The following IST1 variants were observed in gnomAD, a reference collection of about 807,000 sequenced individuals.
The protein encoded by IST1 is IST1 factor associated with ESCRT-III.
A neutral mutation model predicts 37.0 loss-of-function variants in IST1; 23 were observed. The observed-to-expected ratio is 0.62, with a 90% CI of 0.45 to 0.88. The LOEUF is 0.88. Ranked by LOEUF, IST1 falls within the 40% of genes least tolerant of loss-of-function variation. The pLI, the probability that IST1 is intolerant of heterozygous loss-of-function variation, is 0.00. For missense variants in IST1, 488 were observed against 445.4 expected, an observed-to-expected ratio of 1.10 and a Z score of -0.86; for synonymous variants, 180 against 161.7, an observed-to-expected ratio of 1.11 and a Z score of -0.86.
In IST1 at chr16:71,916,768, G is replaced by A. The variant is rs578057604; in HGVS notation, c.269+126G>A. ...ATCTGCTGCCTAACAGTTGCTGAAA[G>A]GCCTGTTAAAAAGAAAATACAGAAT... On this transcript the variant is annotated intron_variant, in intron 3 of 9. Coordinates refer to ENST00000378799, the MANE Select transcript of IST1 (RefSeq NM_001270975.2). The A allele has an allele frequency of 5.0e-6, 4 of 806,618 alleles. No individual in the cohort carries two copies. In the South Asian group the frequency reaches 8.6e-5, roughly 17 times the overall value. 50.0% of individuals were successfully genotyped at this position (806,618 alleles called of 1,614,324 possible). A position where few individuals can be genotyped will look rare whatever the true frequency, so the allele number is the denominator to read the frequency against.
intron 1 of IST1, among the ~76,000 whole-genome samples, chr16:71,914,932 G>A (rs1056885981): frequency 2.6e-5 from 4 of 152,126 alleles, no homozygotes; most frequent in African/African-American, 7.2e-5. Context: ...GGTAGAGGAC[G>A]GGTGGTTTTG....
At chr16:71,910,759 A>G (rs2037336146) in intron 1 of IST1, among the ~76,000 whole-genome samples, 1 of 152,206 alleles carries the variant, frequency 6.6e-6, no homozygotes, top group African/African-American at 2.4e-5. Context: ...ATGTATTAAT[A>G]GAAATATTCT....
At position 71,921,443 on chromosome 16, in the gene IST1, CTG is replaced by C; in HGVS notation, c.545_546del (p.Val182GlyfsTer15). ...TACAACGTACCCTATGAACCTGACT[CTG>C]TGGTCATGGTAAGTTTATCCCAGAA... On this transcript the variant is annotated frameshift_variant, in exon 6 of 10. Transcript: ENST00000378799. LOFTEE classifies it high-confidence loss of function. 2 of 1,597,382 alleles carry C rather than the reference CTG, an allele frequency of 1.3e-6. No individual in the cohort carries two copies. The highest frequency in any genetic ancestry group is 1.1e-5 in the South Asian group (1 of 90,728).
intron 4 of IST1, among the ~76,000 whole-genome samples, chr16:71,919,942 G>A (rs971345140): frequency 3.9e-5 from 6 of 152,148 alleles, no homozygotes; most frequent in Non-Finnish European, 5.9e-5. Context: ...TTTACCTTCT[G>A]CAGAAAGGGT....
At chr16:71,924,475 C>G (rs2037689028) in intron 8 of IST1, 1 of 519,018 alleles carries the variant, frequency 1.9e-6, no homozygotes, top group South Asian at 2.1e-5. Context: ...CCTGTGGTCC[C>G]AGCTATGCAG....
In IST1 at chr16:71,922,649, C is replaced by G; in HGVS notation, c.728C>G (p.Thr243Arg). The G allele has an allele frequency of 6.2e-7, 1 of 1,613,210 alleles. No individual in the cohort carries two copies. The part of the protein sequence containing the change: ...PMPMPMPSAN[T>R]PFSYPLPKGP... Reference sequence around the variant, plus strand: ...CCCATGCCTATGCCATCTGCAAATACGCCTTTCTCATATCCACTGCCAAAG... The same window carrying G: ...CCCATGCCTATGCCATCTGCAAATAGGCCTTTCTCATATCCACTGCCAAAG... The change falls in exon 7 of 10, where the codon ACG (threonine) becomes AGG (arginine). Residue 243 changes from threonine (T) to arginine (R), a missense_variant. Coordinates refer to ENST00000378799, the MANE Select transcript of IST1 (RefSeq NM_001270975.2).
At chr16:71,904,884 A>G (rs1054691020) in intron 1 of IST1, among the ~76,000 whole-genome samples, 4 of 151,962 alleles carry the variant, frequency 2.6e-5, no homozygotes, top group African/African-American at 9.7e-5. Context: ...TCATTTAATT[A>G]TGTAATTTTT....
At chr16:71,903,687 C>T (rs2037158779) in intron 1 of IST1, 1 of 152,204 alleles carries the variant, frequency 6.6e-6, no homozygotes, top group Non-Finnish European at 1.5e-5. Context: ...GTGAGAGCTA[C>T]CATGCCTGGT....
intron 1 of IST1, chr16:71,903,084 G>A (rs2037144571): frequency 6.6e-6 from 1 of 152,124 alleles, no homozygotes. Context: ...AAACTCTCGT[G>A]CTCACTGCCT....
Position 71,912,647 on chromosome 16 carries a change from G to A in IST1, c.-15-2979G>A, listed in dbSNP as rs151050889. Among the ~76,000 whole-genome samples, 61 of 152,306 alleles carry A rather than the reference G, an allele frequency of 4.0e-4. 1 individual carries two copies. The East Asian group carries it at 0.011, about 27-fold the overall frequency. On this transcript the variant is annotated intron_variant, in intron 1 of 9. Transcript: ENST00000378799. ...TGGCAACATGACAATTTACCAACTT[G>A]CCTGTTTCTAAGTGTAGAGTTCAGT...
chr16:71,927,580 G>A lies in IST1; in HGVS notation c.902-34G>A, dbSNP rs199547471. 8.9e-4 allele frequency: 1,286 copies of A among 1,443,172 alleles called. 1 individual carries two copies. Among genetic ancestry groups the A allele is most frequent in the Non-Finnish European group, 1.1e-3 (1,144 of 1,026,418 alleles). The allele number at this position is 1,443,172 out of a possible 1,614,324, so 89.4% of individuals were successfully genotyped here. A position where few individuals can be genotyped will look rare whatever the true frequency, so the allele number is the denominator to read the frequency against. The stretch of plus-strand genomic sequence containing the variant: ...AAAGGGGATCTGAGTCATTTCTCTG[G>A]TATTTGTAACGTTGTGCTCCTTGCC... On this transcript the variant is annotated intron_variant, in intron 9 of 9. Coordinates refer to ENST00000378799, the MANE Select transcript of IST1 (RefSeq NM_001270975.2).
intron 1 of IST1, among the ~76,000 whole-genome samples, chr16:71,899,506 A>G (rs1052836845): frequency 1.3e-5 from 2 of 152,216 alleles, no homozygotes; most frequent in African/African-American, 4.8e-5. Context: ...CTACTCTAAC[A>G]TCACATCTTC....
At position 71,914,736 on chromosome 16, in the gene IST1, T is replaced by G. The variant is rs559396520; in HGVS notation, c.-15-890T>G. ...TAGACAAGTACTATTCCTACTGCTC[T>G]TTCTTTCTTTGGTGCTCTTTTGATT... On this transcript the variant is annotated intron_variant, in intron 1 of 9. Coordinates refer to ENST00000378799, the MANE Select transcript of IST1 (RefSeq NM_001270975.2). 6.8e-4 allele frequency among the ~76,000 whole-genome samples: 103 copies of G among 152,348 alleles called. 1 individual carries two copies. Among genetic ancestry groups the G allele is most frequent in the Admixed American group, 2.0e-3 (31 of 15,300 alleles).
intron 1 of IST1, among the ~76,000 whole-genome samples, chr16:71,904,866 T>C (rs889948544): frequency 6.6e-6 from 1 of 152,262 alleles, no homozygotes; most frequent in Admixed American, 6.5e-5. Flanking sequence ...ATTGTGTTTA[T>C]ACCATTTTCA....
At chr16:71,907,280 A>AT (rs769698886) in intron 1 of IST1, among the ~76,000 whole-genome samples, 11,605 of 125,282 alleles carry the variant, frequency 0.093, 1,245 homozygotes, top group African/African-American at 0.27. Flanking sequence ...TCCTTATGGG[A>AT]TTTTTTTTTT....
At chr16:71,924,153 C>T (rs1375502577) in intron 8 of IST1, 1 of 456,020 alleles carries the variant, frequency 2.2e-6, no homozygotes, top group South Asian at 1.5e-5. Flanking sequence ...CGTCACATAA[C>T]CCACAGCCGT....
intron 5 of IST1, 93 bp downstream of exon 5, chr16:71,920,915 C>G (rs777529231): frequency 1.1e-6 from 1 of 910,178 alleles, no homozygotes; most frequent in African/African-American, 1.6e-5. Context: ...CTGTATTGCT[C>G]AGTATGGGGT....
At chr16:71,905,334 G>A (rs528514499) in intron 1 of IST1, among the ~76,000 whole-genome samples, 10 of 149,910 alleles carry the variant, frequency 6.7e-5, no homozygotes, top group South Asian at 2.1e-4. Context: ...ATGCCTGGCC[G>A]TATACAATTT....
chr16:71,905,727 A>G (rs1254402325), intron 1 of IST1, among the ~76,000 whole-genome samples: 7 of 152,088 alleles, frequency 4.6e-5, no homozygotes, highest in Non-Finnish European at 1.0e-4. Context: ...TCCACTTCTC[A>G]TGGAGTATGA....
Sources: allele counts gnomAD v4.1 joint callset (sites outside exome capture counted in the v4.1 genomes callset), GRCh38; gene constraint gnomAD v4.1.1; transcripts MANE v1.5; gene names NCBI Gene and HGNC (gene_info 2026-07-23, HGNC 2026-07-21).